YWHAQ: variants seen among roughly 807,000 people sequenced by gnomAD.
YWHAQ encodes the protein 14-3-3 protein theta.
In YWHAQ, 6 loss-of-function variants were observed where a neutral mutation model predicts 28.3. That is an observed-to-expected ratio of 0.21 (90% CI 0.12 to 0.42). YWHAQ has a LOEUF of 0.42. Ranked by LOEUF, YWHAQ falls within the 10% of genes least tolerant of loss-of-function variation. YWHAQ has a pLI of 1.00. For synonymous variants in YWHAQ, 143 were observed against 119.1 expected, an observed-to-expected ratio of 1.20 and a Z score of -1.31; for missense variants, 201 against 305.6, an observed-to-expected ratio of 0.66 and a Z score of 2.55.
intron 2 of YWHAQ, among the ~76,000 whole-genome samples, chr2:9,621,237 G>A (rs866048296): frequency 1.5e-4 from 23 of 152,162 alleles, no homozygotes; most frequent in African/African-American, 5.3e-4. Flanking sequence ...CAATTAAGAC[G>A]TCTTACACAG....
At chr2:9,626,729 C>G (rs1667254704) in intron 2 of YWHAQ, among the ~76,000 whole-genome samples, 1 of 152,252 alleles carries the variant, frequency 6.6e-6, no homozygotes, top group Admixed American at 6.5e-5. Flanking sequence ...CCACATCCAG[C>G]CAAAGCCCAG....
chr2:9,623,980 A>G (rs1050282654), intron 2 of YWHAQ, among the ~76,000 whole-genome samples: 3 of 152,160 alleles, frequency 2.0e-5, no homozygotes, highest in African/African-American at 4.8e-5. Context: ...TTGAAAATAT[A>G]GGACCCGGCC....
At chr2:9,617,578 T>A (rs532646704) in intron 2 of YWHAQ, among the ~76,000 whole-genome samples, 1 of 152,158 alleles carries the variant, frequency 6.6e-6, no homozygotes, top group African/African-American at 2.4e-5. Flanking sequence ...ACCACTGAAC[T>A]GTAGCTTAAG....
In YWHAQ at chr2:9,617,600, C is replaced by T. The variant is rs760988125; in HGVS notation, c.294+12559G>A. Among the ~76,000 whole-genome samples the T allele has an allele frequency of 1.8e-4, 28 of 152,170 alleles. 1 individual carries two copies. In the South Asian group the frequency reaches 2.7e-3, roughly 15 times the overall value. ...AACTGTAGCTTAAGAAGGGTTAAAA[C>T]GCTAACTTTTATGTTACGTGTTATC... On this transcript the variant is annotated intron_variant, in intron 2 of 5. Coordinates refer to ENST00000238081, the MANE Select transcript of YWHAQ (RefSeq NM_006826.4).
intron 2 of YWHAQ, among the ~76,000 whole-genome samples, chr2:9,621,865 G>C (rs1002219395): frequency 6.6e-6 from 1 of 152,092 alleles, no homozygotes; most frequent in Admixed American, 6.6e-5. Context: ...CCATAAAAAG[G>C]ATGAGTTCAT....
chr2:9,590,627 T>A (rs1666436752), intron 3 of YWHAQ, among the ~76,000 whole-genome samples: 1 of 152,162 alleles, frequency 6.6e-6, no homozygotes, highest in Non-Finnish European at 1.5e-5. Context: ...CAAGAGACAT[T>A]CACTGCAAAT....
Position 9,625,175 on chromosome 2 carries a change from T to C in YWHAQ, c.294+4984A>G, listed in dbSNP as rs570677453. 8.8e-4 allele frequency among the ~76,000 whole-genome samples: 133 copies of C among 151,586 alleles called. 1 individual carries two copies. The South Asian group carries it at 0.025, about 28-fold the overall frequency. ...TACTCGGGAGGCTGAGGCAGGAGAA[T>C]TGCTTAAACCCGGGAGACAGAGGTT... On this transcript the variant is annotated intron_variant, in intron 2 of 5. Coordinates refer to ENST00000238081, the MANE Select transcript of YWHAQ (RefSeq NM_006826.4).
At chr2:9,609,377 C>T (rs1385624204) in intron 2 of YWHAQ, among the ~76,000 whole-genome samples, 1 of 151,864 alleles carries the variant, frequency 6.6e-6, no homozygotes, top group Non-Finnish European at 1.5e-5. Flanking sequence ...ATAAATTACT[C>T]AGAATACAGA....
chr2:9,593,306 T>A (rs1666495186), intron 2 of YWHAQ, among the ~76,000 whole-genome samples: 1 of 146,684 alleles, frequency 6.8e-6, no homozygotes, highest in Non-Finnish European at 1.5e-5. Context: ...GTGGTGATTC[T>A]CAAATGATTC....
Position 9,587,446 on chromosome 2 carries a change from G to C in YWHAQ, c.646C>G (p.Leu216Val). 2 of 1,611,878 alleles carry C rather than the reference G, an allele frequency of 1.2e-6. No homozygotes were observed. Among genetic ancestry groups the C allele is most frequent in the Non-Finnish European group, 1.7e-6 (2 of 1,178,872 alleles). Residue 216 changes from leucine to valine, a missense_variant, in exon 5 of 6, where the codon CTC becomes GTC. Coordinates refer to ENST00000238081, the MANE Select transcript of YWHAQ (RefSeq NM_006826.4). ...LNEDSYKDST[L>V]IMQLLRDNLT... ...TTGTCTCTAAGCAACTGCATGATGAGGGTGCTGTCTTTGTATGAGTCTTCA... is the reference window on the plus strand; with the variant it reads ...TTGTCTCTAAGCAACTGCATGATGACGGTGCTGTCTTTGTATGAGTCTTCA...
intron 2 of YWHAQ, among the ~76,000 whole-genome samples, chr2:9,593,976 A>AAC (rs371022884): frequency 0.2 from 28,695 of 145,682 alleles, 2,841 homozygotes; most frequent in Middle Eastern, 0.25. Flanking sequence ...AGGAAGTTAA[A>AAC]ACACACACAC....
chr2:9,612,845 T>C (rs368426263), intron 2 of YWHAQ, among the ~76,000 whole-genome samples: 13 of 152,226 alleles, frequency 8.5e-5, no homozygotes, highest in African/African-American at 3.1e-4. Flanking sequence ...ACTATTAGAG[T>C]GACTGGTCAT....
At chr2:9,615,887 C>T (rs539452359) in intron 2 of YWHAQ, among the ~76,000 whole-genome samples, 2 of 152,186 alleles carry the variant, frequency 1.3e-5, no homozygotes, top group African/African-American at 4.8e-5. Context: ...AATTAACATG[C>T]CTCAATTTCC....
At chr2:9,620,742 TG>T (rs1270938605) in intron 2 of YWHAQ, 1 of 152,210 alleles carries the variant, frequency 6.6e-6, no homozygotes, top group Non-Finnish European at 1.5e-5. Flanking sequence ...GTGATTTTCC[TG>T]GTCTTCAAAC....
intron 2 of YWHAQ, among the ~76,000 whole-genome samples, chr2:9,592,916 C>T (rs1434219987): frequency 6.6e-6 from 1 of 152,076 alleles, no homozygotes; most frequent in African/African-American, 2.4e-5. Context: ...TAGTATCAGC[C>T]TAGGTACACA....
At chr2:9,586,384 TTACA>T (rs1666344384) in intron 5 of YWHAQ, among the ~76,000 whole-genome samples, 1 of 152,188 alleles carries the variant, frequency 6.6e-6, no homozygotes. Context: ...AGCCAGAATC[TTACA>T]TAATCCTTAG....
At chr2:9,606,598 C>G (rs139836150) in intron 2 of YWHAQ, among the ~76,000 whole-genome samples, 1 of 151,982 alleles carries the variant, frequency 6.6e-6, no homozygotes, top group South Asian at 2.1e-4. Flanking sequence ...GGTGTGATAT[C>G]GGCTCACTGC....
At chr2:9,623,163 G>T (rs1345744349) in intron 2 of YWHAQ, among the ~76,000 whole-genome samples, 2 of 152,196 alleles carry the variant, frequency 1.3e-5, no homozygotes, top group Non-Finnish European at 2.9e-5. Context: ...TGTGAGAAGG[G>T]AGGTGGTCCT....
intron 2 of YWHAQ, among the ~76,000 whole-genome samples, chr2:9,595,402 T>C (rs1158883947): frequency 2.0e-5 from 3 of 152,130 alleles, no homozygotes; most frequent in African/African-American, 7.2e-5. Flanking sequence ...CTGAAAGTCT[T>C]TCCCAGAAGT....
Sources: allele counts gnomAD v4.1 joint callset (sites outside exome capture counted in the v4.1 genomes callset), GRCh38; gene constraint gnomAD v4.1.1; transcripts MANE v1.5; gene names NCBI Gene and HGNC (gene_info 2026-07-23, HGNC 2026-07-21).